ARMH3: variants seen among roughly 807,000 people sequenced by gnomAD.
The protein encoded by ARMH3 is armadillo like helical domain containing 3.
In ARMH3, 60 loss-of-function variants were observed where a neutral mutation model predicts 99.1. The ratio of observed to expected loss-of-function variants is 0.61; its 90% confidence interval spans 0.49 to 0.75. The LOEUF (loss-of-function observed/expected upper bound fraction) is 0.75, where lower values mean the gene tolerates loss of function less well. ARMH3 is among the 30% of genes least tolerant of loss of function. ARMH3 has a pLI of 0.00. For synonymous variants in ARMH3, 285 were observed against 292.8 expected (o/e 0.97, Z 0.27); for missense variants, 679 against 843.1 (o/e 0.81, Z 2.41).
intron 23 of ARMH3, among the ~76,000 whole-genome samples, chr10:101,922,861 G>GGGAA (rs2135608722): frequency 6.6e-6 from 1 of 152,148 alleles, no homozygotes; most frequent in East Asian, 1.9e-4. Context: ...GGAGAACAAT[G>GGGAA]GGAACCAACT....
At chr10:101,991,818 C>T (rs1207754806) in intron 18 of ARMH3, 151 bp downstream of exon 18, 5 of 858,896 alleles carry the variant, frequency 5.8e-6, no homozygotes, top group South Asian at 4.9e-5. Context: ...TTACCAAACA[C>T]AACAATAAAC....
chr10:101,983,604 A>C (rs1156294626), intron 19 of ARMH3, among the ~76,000 whole-genome samples: 3 of 152,168 alleles, frequency 2.0e-5, no homozygotes, highest in African/African-American at 7.2e-5. Context: ...ATAAGAAACC[A>C]AAAGTACAGG....
intron 23 of ARMH3, among the ~76,000 whole-genome samples, chr10:101,931,192 G>A (rs1194716253): frequency 1.3e-5 from 2 of 152,198 alleles, no homozygotes; most frequent in Non-Finnish European, 2.9e-5. Context: ...TCCAAATTCA[G>A]CCTGACTCAA....
intron 23 of ARMH3, among the ~76,000 whole-genome samples, chr10:101,909,223 A>G (rs1201872475): frequency 6.6e-6 from 1 of 151,520 alleles, no homozygotes; most frequent in East Asian, 2.0e-4. Context: ...CCTGGGCAAC[A>G]TGGCAAAACT....
At chr10:102,047,698 G>A (rs1358291609) in intron 1 of ARMH3, among the ~76,000 whole-genome samples, 1 of 152,022 alleles carries the variant, frequency 6.6e-6, no homozygotes, top group African/African-American at 2.4e-5. Context: ...ATGTTGCCCA[G>A]GCTGGTCTCA....
rs377396064 is a variant in ARMH3, at chr10:101,995,176, G to A, written c.1209+121C>T. On this transcript the variant is annotated intron_variant, in intron 16 of 25. Transcript: ENST00000370033. ...GAAGACAGATAATACAAAGGGGGAA[G>A]ATTTTCTCTCCTAAACTTTAGGACC... The A allele has an allele frequency of 5.9e-5, 49 of 829,266 alleles. No individual in the cohort carries two copies. In the East Asian group the frequency reaches 1.1e-3, roughly 19 times the overall value. 51.4% of individuals were successfully genotyped at this position (829,266 alleles called of 1,614,324 possible).
At chr10:101,924,847 A>C (rs1269079107) in intron 23 of ARMH3, among the ~76,000 whole-genome samples, 1 of 152,012 alleles carries the variant, frequency 6.6e-6, no homozygotes, top group Admixed American at 6.5e-5. Context: ...TACAAAAATT[A>C]GCTGGGTGTG....
At position 101,889,461 on chromosome 10, in the gene ARMH3, A is replaced by G; in HGVS notation, c.1811T>C (p.Ile604Thr). Residue 604 changes from isoleucine to threonine, a missense_variant, in exon 24 of 26, where the codon ATT (isoleucine) becomes ACT (threonine). By Grantham distance (89) the Ile-to-Thr change is moderately conservative. Coordinates refer to ENST00000370033, the MANE Select transcript of ARMH3 (RefSeq NM_024541.3). Reference protein sequence around the residue: ...RAIINHFNPKIESYAAVNHIS... With the variant: ...RAIINHFNPKTESYAAVNHIS... ...GTGATTCACAGCAGCGTAGGACTCA[A>G]TTTTGGGGTTAAAGTGGTTGATGAT... 5.6e-6 allele frequency: 9 copies of G among 1,613,942 alleles called. No homozygotes were observed. The highest frequency in any genetic ancestry group is 1.3e-5 in the African/African-American group (1 of 75,028).
At chr10:102,025,119 T>G (rs1429047020) in intron 6 of ARMH3, 37 bp downstream of exon 6, 2 of 1,537,748 alleles carry the variant, frequency 1.3e-6, no homozygotes, top group Admixed American at 3.4e-5. Flanking sequence ...TTGCCCCTCC[T>G]GTCAATTAAT....
At chr10:101,874,308 CAA>C (rs140070057) in intron 24 of ARMH3, among the ~76,000 whole-genome samples, 3 of 147,946 alleles carry the variant, frequency 2.0e-5, no homozygotes, top group African/African-American at 7.4e-5. Flanking sequence ...CAGGACTAGT[CAA>C]AAAAAAAATG....
At chr10:101,879,813 G>C (rs751629169) in intron 24 of ARMH3, among the ~76,000 whole-genome samples, 2 of 152,148 alleles carry the variant, frequency 1.3e-5, no homozygotes, top group Non-Finnish European at 2.9e-5. Flanking sequence ...GTCCAGGGAA[G>C]ACAGTGGTCA....
chr10:102,038,381 A>G (rs2067329962), intron 2 of ARMH3, among the ~76,000 whole-genome samples: 1 of 152,172 alleles, frequency 6.6e-6, no homozygotes, highest in South Asian at 2.1e-4. Context: ...GGCATGAGCC[A>G]CCACGCCCAG....
At chr10:101,974,272 G>A (rs904784730) in intron 20 of ARMH3, among the ~76,000 whole-genome samples, 2 of 152,204 alleles carry the variant, frequency 1.3e-5, no homozygotes, top group African/African-American at 4.8e-5. Flanking sequence ...AGGAAATCAT[G>A]TGTCACAACG....
chr10:101,880,741 A>AT (rs547997350), intron 24 of ARMH3, among the ~76,000 whole-genome samples: 2 of 152,194 alleles, frequency 1.3e-5, no homozygotes, highest in Non-Finnish European at 2.9e-5. Context: ...CATTTTCCTC[A>AT]TAAGTCTTTG....
chr10:102,036,251 G>A (rs2067265691), intron 2 of ARMH3, among the ~76,000 whole-genome samples: 1 of 149,690 alleles, frequency 6.7e-6, no homozygotes, highest in Non-Finnish European at 1.5e-5. Flanking sequence ...GTCCGGGAGG[G>A]AGATGGGGGG....
chr10:102,022,425 G>A lies in ARMH3; in HGVS notation c.669+1052C>T, dbSNP rs1299417722. Among the ~76,000 whole-genome samples the A allele has an allele frequency of 4.1e-5, 6 of 147,614 alleles. No homozygotes were observed. In the South Asian group the frequency reaches 1.1e-3, roughly 27 times the overall value. ...AAGAATGGCGTGAACCCAGGAGGCG[G>A]AGCTTGCAGTGAGCCAAGATCGCAC... On this transcript the variant is annotated intron_variant, in intron 8 of 25. Transcript: ENST00000370033.
intron 19 of ARMH3, among the ~76,000 whole-genome samples, chr10:101,990,255 C>T (rs762963035): frequency 2.0e-5 from 3 of 149,682 alleles, no homozygotes; most frequent in Non-Finnish European, 4.4e-5. Context: ...ACAATCTCAG[C>T]TGACTGCAAG....
At chr10:101,902,970 T>A (rs1451872381) in intron 23 of ARMH3, among the ~76,000 whole-genome samples, 1 of 152,134 alleles carries the variant, frequency 6.6e-6, no homozygotes, top group Non-Finnish European at 1.5e-5. Flanking sequence ...TGGCAGATTG[T>A]CTCCACAGGA....
At chr10:101,961,935 G>A (rs1220628589) in intron 20 of ARMH3, among the ~76,000 whole-genome samples, 3 of 152,246 alleles carry the variant, frequency 2.0e-5, no homozygotes, top group Non-Finnish European at 4.4e-5. Flanking sequence ...GGGACAGGAT[G>A]TACCATTTAA....
Sources: allele counts gnomAD v4.1 joint callset (sites outside exome capture counted in the v4.1 genomes callset), GRCh38; gene constraint gnomAD v4.1.1; transcripts MANE v1.5; gene names NCBI Gene and HGNC (gene_info 2026-07-23, HGNC 2026-07-21).